The following POFUT3 variants were observed in gnomAD, a reference collection of about 807,000 sequenced individuals.
POFUT3 encodes the protein GDP-fucose protein O-fucosyltransferase 3.
At chr8:33,336,509 A>G in the POFUT3 span, among the ~76,000 whole-genome samples, 1 of 152,222 alleles carries the variant, frequency 6.6e-6, no homozygotes, top group Non-Finnish European at 1.5e-5. Context: ...CACATCTTTT[A>G]AAAGTTTAAC....
chr8:33,343,718 T>G, the POFUT3 span, among the ~76,000 whole-genome samples: 1 of 152,248 alleles, frequency 6.6e-6, no homozygotes, highest in South Asian at 2.1e-4. Context: ...TACAAACAGC[T>G]TCTTGATGCT....
At chr8:33,399,658 A>AC in the POFUT3 span, among the ~76,000 whole-genome samples, 2 of 139,506 alleles carry the variant, frequency 1.4e-5, no homozygotes, top group Non-Finnish European at 3.2e-5. Context: ...TCTTTTATTT[A>AC]TTTGTTTTTT....
chr8:33,347,914 A>T, the POFUT3 span, among the ~76,000 whole-genome samples: 1 of 152,142 alleles, frequency 6.6e-6, no homozygotes, highest in Non-Finnish European at 1.5e-5. Flanking sequence ...GTGGTGGCTC[A>T]CACCTGTAAT....
the POFUT3 span, among the ~76,000 whole-genome samples, chr8:33,312,282 A>G: frequency 7.0e-6 from 1 of 142,846 alleles, no homozygotes; most frequent in South Asian, 2.1e-4. Context: ...AGAAATAGAG[A>G]GAGAGAGAGA....
chr8:33,350,847 T>G, the POFUT3 span, among the ~76,000 whole-genome samples: 16 of 152,184 alleles, frequency 1.1e-4, no homozygotes, highest in Non-Finnish European at 1.8e-4. Flanking sequence ...AGGGACCTAT[T>G]GGGGTGGATG....
the POFUT3 span, among the ~76,000 whole-genome samples, chr8:33,383,309 C>T: frequency 6.6e-6 from 1 of 152,168 alleles, no homozygotes; most frequent in Non-Finnish European, 1.5e-5. Flanking sequence ...ATCGTTGGTA[C>T]CAGGAGTGGC....
the POFUT3 span, among the ~76,000 whole-genome samples, chr8:33,343,991 A>G: frequency 1.3e-5 from 2 of 152,144 alleles, no homozygotes; most frequent in Admixed American, 1.3e-4. Context: ...GCCTATGCAA[A>G]TCATTACCCC....
the POFUT3 span, among the ~76,000 whole-genome samples, chr8:33,358,670 G>C: frequency 6.6e-6 from 1 of 152,072 alleles, no homozygotes; most frequent in African/African-American, 2.4e-5. Context: ...ATTAAGTCAT[G>C]AGGATGGAGC....
At chr8:33,425,357 T>G in the POFUT3 span, among the ~76,000 whole-genome samples, 1 of 151,906 alleles carries the variant, frequency 6.6e-6, no homozygotes, top group Non-Finnish European at 1.5e-5. Flanking sequence ...AATTAAAAAA[T>G]TTTTTAAATA....
the POFUT3 span, among the ~76,000 whole-genome samples, chr8:33,363,032 C>T: frequency 6.6e-6 from 1 of 152,184 alleles, no homozygotes; most frequent in Non-Finnish European, 1.5e-5. Context: ...TAAAGCTCCT[C>T]AGCAAATGTA....
the POFUT3 span, among the ~76,000 whole-genome samples, chr8:33,384,604 G>A: frequency 6.6e-6 from 1 of 152,022 alleles, no homozygotes; most frequent in Admixed American, 6.6e-5. Flanking sequence ...TGGACCACCT[G>A]AGGTCAGGTG....
the POFUT3 span, among the ~76,000 whole-genome samples, chr8:33,440,789 C>T: frequency 6.6e-6 from 1 of 152,096 alleles, no homozygotes; most frequent in Non-Finnish European, 1.5e-5. Context: ...TAGTTGACTT[C>T]CTTCTGAGGG....
At chr8:33,372,485 A>G in the POFUT3 span, 1 of 1,483,068 alleles carries the variant, frequency 6.7e-7, no homozygotes. Context: ...ATGGATAGTC[A>G]ACAGAATAGC....
the POFUT3 span, among the ~76,000 whole-genome samples, chr8:33,380,065 C>A: frequency 5.4e-4 from 29 of 53,630 alleles, no homozygotes; most frequent in Non-Finnish European, 7.7e-4. Flanking sequence ...TATATATACA[C>A]TATATATATA....
the POFUT3 span, among the ~76,000 whole-genome samples, chr8:33,376,809 C>A: frequency 6.6e-6 from 1 of 152,156 alleles, no homozygotes; most frequent in African/African-American, 2.4e-5. Flanking sequence ...GAAGCAAGAA[C>A]AGAACAAAAT....
At chr8:33,432,169 G>A in the POFUT3 span, among the ~76,000 whole-genome samples, 4 of 152,060 alleles carry the variant, frequency 2.6e-5, no homozygotes, top group Non-Finnish European at 4.4e-5. Flanking sequence ...CAGCACTTTG[G>A]GAGGCCGAGG....
the POFUT3 span, among the ~76,000 whole-genome samples, chr8:33,447,789 C>T: frequency 6.6e-6 from 1 of 152,160 alleles, no homozygotes; most frequent in Non-Finnish European, 1.5e-5. Context: ...ATTAGGTCAG[C>T]TTTTGATACT....
At chr8:33,388,893 A>G in the POFUT3 span, 1 of 1,221,010 alleles carries the variant, frequency 8.2e-7, no homozygotes, top group Non-Finnish European at 1.2e-6. Flanking sequence ...CAACAGAAGG[A>G]AATGCAGGAG....
the POFUT3 span, among the ~76,000 whole-genome samples, chr8:33,311,440 A>G: frequency 6.6e-6 from 1 of 152,186 alleles, no homozygotes; most frequent in Non-Finnish European, 1.5e-5. Flanking sequence ...TGAATCAGTC[A>G]CTGGTAAGGG....
Sources: gnomAD v4.1 joint callset for allele counts (sites outside exome capture counted in the v4.1 genomes callset) on GRCh38, gnomAD v4.1.1 for gene constraint, MANE v1.5 for transcripts, NCBI Gene and HGNC (gene_info 2026-07-23, HGNC 2026-07-21) for gene names.